Variants in INPP5B observed in about 807,000 individuals in gnomAD.
The protein encoded by INPP5B is inositol polyphosphate-5-phosphatase B.
INPP5B carries 90 observed loss-of-function variants against 118.5 expected under a neutral mutation model. The ratio of observed to expected loss-of-function variants is 0.76; its 90% confidence interval spans 0.64 to 0.90. INPP5B has a LOEUF of 0.90. Among genes scored for constraint, INPP5B ranks in the 40% least tolerant of loss-of-function variants. The pLI is 0.00. For missense variants in INPP5B, 984 were observed against 1,125.6 expected (o/e 0.87, Z 1.80); for synonymous variants, 385 against 418.9 (o/e 0.92, Z 0.99).
At chr1:37,915,242 G>A (rs1346403365) in intron 7 of INPP5B, among the ~76,000 whole-genome samples, 2 of 152,154 alleles carry the variant, frequency 1.3e-5, no homozygotes, top group African/African-American at 4.8e-5. Flanking sequence ...TGGGCCAAGT[G>A]CATTTTGGAA....
At chr1:37,887,031 T>C (rs1173624807) in intron 11 of INPP5B, 27 bp from the exon 12 acceptor site, 8 of 1,591,930 alleles carry the variant, frequency 5.0e-6, no homozygotes, top group Admixed American at 1.7e-5. Flanking sequence ...TGGCATTAAA[T>C]AGAAATTGCA....
In INPP5B at chr1:37,926,472, T is replaced by C. The variant is rs573118757; in HGVS notation, c.532+5441A>G. ...CTAATTTTTTATATTTTAGTAGAGA[T>C]GGGGTTTCACCACGTTGGCCAGGAT... On this transcript the variant is annotated intron_variant, in intron 7 of 23. Coordinates refer to ENST00000373024, the MANE Select transcript of INPP5B (RefSeq NM_005540.3). Among the ~76,000 whole-genome samples the C allele has an allele frequency of 3.3e-5, 5 of 152,226 alleles. No homozygotes were observed. In the East Asian group the frequency reaches 9.7e-4, roughly 29 times the overall value.
At chr1:37,885,902 G>A (rs971059806) in intron 12 of INPP5B, 77 bp from the exon 13 acceptor site, 28 of 1,371,982 alleles carry the variant, frequency 2.0e-5, no homozygotes, top group East Asian at 1.2e-4. Context: ...CTTTCTGGCC[G>A]GGCACGGTGG....
intron 7 of INPP5B, among the ~76,000 whole-genome samples, chr1:37,926,965 GAAGAAAAAAA>G (rs1645252567): frequency 6.6e-6 from 1 of 151,532 alleles, no homozygotes; most frequent in South Asian, 2.1e-4. Context: ...TAGTGGTTAG[GAAGAAAAAAA>G]AAGAAAAGAA....
chr1:37,867,163 C>T (rs1322557460), intron 20 of INPP5B, among the ~76,000 whole-genome samples: 2 of 152,120 alleles, frequency 1.3e-5, no homozygotes, highest in South Asian at 2.1e-4. Context: ...GCCGGGGAGG[C>T]GGAGGTTGCA....
At chr1:37,929,236 C>G (rs527969816) in intron 7 of INPP5B, 1 of 152,262 alleles carries the variant, frequency 6.6e-6, no homozygotes, top group South Asian at 2.1e-4. Context: ...TCTCCTACCT[C>G]AGCTTCCCAA....
chr1:37,924,595 T>C (rs1645162173), intron 7 of INPP5B, among the ~76,000 whole-genome samples: 1 of 152,188 alleles, frequency 6.6e-6, no homozygotes, highest in South Asian at 2.1e-4. Flanking sequence ...AAGAGGAAAG[T>C]TGAGACACAC....
intron 13 of INPP5B, 101 bp downstream of exon 13, chr1:37,885,537 C>T: frequency 1.0e-6 from 1 of 962,806 alleles, no homozygotes; most frequent in Non-Finnish European, 1.6e-6. Flanking sequence ...ACCACCATTG[C>T]AGCAATAGGA....
Position 37,917,648 on chromosome 1 carries a change from T to C in INPP5B, c.532+14265A>G, listed in dbSNP as rs573886130. Among the ~76,000 whole-genome samples the C allele has an allele frequency of 2.9e-3, 439 of 151,982 alleles. 2 individuals are homozygous for C. The highest frequency in any genetic ancestry group is 5.5e-3 in the Non-Finnish European group (374 of 67,950). On this transcript the variant is annotated intron_variant, in intron 7 of 23. Transcript: ENST00000373024. ...CAAAAAACTGAAGTTTTTAATTTGA[T>C]TTTACCTAAATTAAGTTTAGCCTGT...
chr1:37,878,047 TAATA>T (rs1395997647), intron 16 of INPP5B, 137 bp downstream of exon 16: 16 of 990,622 alleles, frequency 1.6e-5, no homozygotes, highest in Non-Finnish European at 2.4e-5. Context: ...ACCAAGTTGT[TAATA>T]ATTGTTTTAA....
chr1:37,893,085 C>CTTTTTTTT (rs71053999), intron 7 of INPP5B, among the ~76,000 whole-genome samples: 66 of 81,414 alleles, frequency 8.1e-4, no homozygotes, highest in African/African-American at 2.0e-3. Flanking sequence ...TTTTCTTTTT[C>CTTTTTTTT]TTTTTTTTTT....
chr1:37,862,284 AGCCTC>A lies in INPP5B; in HGVS notation c.*26_*30del. ...GAAACAGGTGGGGCTGGTAATTGGC[AGCCTC>A]AAGTAAAATAGGAGGAGAGAGAGGC... On this transcript the variant is annotated 3_prime_UTR_variant, in exon 24 of 24. Transcript: ENST00000373024. 2 of 1,431,508 alleles carry A rather than the reference AGCCTC, an allele frequency of 1.4e-6. No homozygotes were observed. The highest frequency in any genetic ancestry group is 1.4e-5 in the African/African-American group (1 of 71,316). The allele number at this position is 1,431,508 out of a possible 1,614,324, so 88.7% of individuals were successfully genotyped here.
chr1:37,939,320 C>A (rs1171896227), intron 6 of INPP5B, among the ~76,000 whole-genome samples: 3 of 150,374 alleles, frequency 2.0e-5, no homozygotes, highest in Admixed American at 1.3e-4. Context: ...GCCGAGATCG[C>A]GCCACTGCAC....
At chr1:37,896,824 A>G (rs1336658472) in intron 7 of INPP5B, among the ~76,000 whole-genome samples, 1 of 130,468 alleles carries the variant, frequency 7.7e-6, no homozygotes, top group Admixed American at 7.5e-5. Context: ...CCGGGAGGTG[A>G]GGGGCGCCTC....
intron 5 of INPP5B, chr1:37,941,958 A>AAAAATATATATAT (rs1427344681): frequency 3.3e-5 from 1 of 30,386 alleles, no homozygotes; most frequent in Admixed American, 3.0e-4. Flanking sequence ...AAAAAAAAAA[A>AAAAATATATATAT]ATATATATAT....
intron 18 of INPP5B, among the ~76,000 whole-genome samples, 196 bp downstream of exon 18, chr1:37,873,797 A>T (rs1214551545): frequency 6.6e-6 from 1 of 152,240 alleles, no homozygotes; most frequent in Non-Finnish European, 1.5e-5. Context: ...ATGACTGAGA[A>T]TGCTTTTGAA....
chr1:37,863,561 C>T (rs944889319), intron 23 of INPP5B, among the ~76,000 whole-genome samples: 3 of 151,378 alleles, frequency 2.0e-5, no homozygotes, highest in South Asian at 4.2e-4. Context: ...TAGTGGCAAG[C>T]GCCTATAATC....
At chr1:37,908,596 A>AG in intron 7 of INPP5B, among the ~76,000 whole-genome samples, 1 of 152,170 alleles carries the variant, frequency 6.6e-6, no homozygotes, top group Non-Finnish European at 1.5e-5. Context: ...AAAAAAAAAA[A>AG]AGAGACAAGG....
At chr1:37,924,257 C>G (rs1645150149) in intron 7 of INPP5B, among the ~76,000 whole-genome samples, 2 of 152,142 alleles carry the variant, frequency 1.3e-5, no homozygotes, top group South Asian at 4.2e-4. Flanking sequence ...CAACCTCCAC[C>G]TCTGGGGTTC....
Sources: allele counts gnomAD v4.1 joint callset (sites outside exome capture counted in the v4.1 genomes callset), GRCh38; gene constraint gnomAD v4.1.1; transcripts MANE v1.5; gene names NCBI Gene and HGNC (gene_info 2026-07-23, HGNC 2026-07-21).